SPON1: variants seen among roughly 807,000 people sequenced by gnomAD.
SPON1 encodes the protein spondin 1.
A neutral mutation model predicts 111.7 loss-of-function variants in SPON1; 52 were observed. The observed-to-expected ratio is 0.47, with a 90% CI of 0.37 to 0.59. SPON1 has a LOEUF of 0.59. Ranked by LOEUF, SPON1 falls within the 20% of genes least tolerant of loss-of-function variation. SPON1 has a pLI of 0.00. For synonymous variants in SPON1, 410 were observed against 395.8 expected (o/e 1.04, Z -0.43); for missense variants, 957 against 1,068.5 (o/e 0.90, Z 1.46).
At chr11:13,999,555 G>C (rs980935871) in intron 2 of SPON1, among the ~76,000 whole-genome samples, 1 of 151,782 alleles carries the variant, frequency 6.6e-6, no homozygotes, top group African/African-American at 2.4e-5. Flanking sequence ...ACAGGCACCC[G>C]CCATCACACC....
Position 14,267,975 on chromosome 11 carries a change from G to C in SPON1, c.*2288G>C, listed in dbSNP as rs1461976145. The C allele has an allele frequency of 6.6e-6, 1 of 152,094 alleles. No homozygotes were observed. Among genetic ancestry groups the C allele is most frequent in the Non-Finnish European group, 1.5e-5 (1 of 68,022 alleles). 9.4% of individuals were successfully genotyped at this position (152,094 alleles called of 1,614,324 possible). A position where few individuals can be genotyped will look rare whatever the true frequency, so the allele number is the denominator to read the frequency against. ...CACATTTTAGGTCCAACAGCAAGAAGTTCAGAGAGAGATTTCCCAACCAGA... is the reference window on the plus strand; with the variant it reads ...CACATTTTAGGTCCAACAGCAAGAACTTCAGAGAGAGATTTCCCAACCAGA... On this transcript the variant is annotated 3_prime_UTR_variant, in exon 16 of 16. Coordinates refer to ENST00000576479, the MANE Select transcript of SPON1 (RefSeq NM_006108.4).
chr11:14,122,641 A>G (rs1221826427), intron 5 of SPON1, among the ~76,000 whole-genome samples: 1 of 151,908 alleles, frequency 6.6e-6, no homozygotes, highest in Non-Finnish European at 1.5e-5. Context: ...TCATCACCCT[A>G]TCTTTTAGTT....
Position 13,991,556 on chromosome 11 carries a change from G to A in SPON1, c.345+8603G>A, listed in dbSNP as rs188461844. On this transcript the variant is annotated intron_variant, in intron 2 of 15. Coordinates refer to ENST00000576479, the MANE Select transcript of SPON1 (RefSeq NM_006108.4). ...AGCTCAGAGGAGTTTGTTATTACCC[G>A]CCTTCTGAAGCCTACTTCTGTCAAT... Among the ~76,000 whole-genome samples the A allele has an allele frequency of 3.9e-5, 6 of 152,114 alleles. No homozygotes were observed. The East Asian group carries it at 7.7e-4, about 20-fold the overall frequency.
In SPON1 at chr11:14,008,227, G is replaced by A. The variant is rs139847867; in HGVS notation, c.345+25274G>A. 1.9e-3 allele frequency among the ~76,000 whole-genome samples: 294 copies of A among 152,290 alleles called. 1 individual carries two copies. Among genetic ancestry groups the A allele is most frequent in the Non-Finnish European group, 2.7e-3 (186 of 68,022 alleles). On this transcript the variant is annotated intron_variant, in intron 2 of 15. Transcript: ENST00000576479. Reference sequence around the variant, plus strand: ...ATAAGTAATCTGGAGATGCTTTAAAGTATACAGAAGGAGTATATGGGAGGA... The same window carrying A: ...ATAAGTAATCTGGAGATGCTTTAAAATATACAGAAGGAGTATATGGGAGGA...
chr11:13,991,941 T>C (rs1848234039), intron 2 of SPON1, among the ~76,000 whole-genome samples: 1 of 152,192 alleles, frequency 6.6e-6, no homozygotes, highest in Non-Finnish European at 1.5e-5. Flanking sequence ...AGCTTCATCC[T>C]AGAGGGGCAC....
intron 6 of SPON1, among the ~76,000 whole-genome samples, chr11:14,136,667 A>C (rs1554928133): frequency 1.3e-5 from 2 of 152,170 alleles, no homozygotes; most frequent in African/African-American, 4.8e-5. Flanking sequence ...ATCAGTTTGG[A>C]CTAGAGTCGA....
rs11607668 is a variant in SPON1 at position 14,068,971 on chromosome 11, T to A, written c.480-6374T>A. Among the ~76,000 whole-genome samples the A allele has an allele frequency of 2.7e-3, 406 of 152,330 alleles. 1 individual carries two copies. Among genetic ancestry groups the A allele is most frequent in the Non-Finnish European group, 4.5e-3 (309 of 68,028 alleles). On this transcript the variant is annotated intron_variant, in intron 3 of 15. Coordinates refer to ENST00000576479, the MANE Select transcript of SPON1 (RefSeq NM_006108.4). ...AATGTCAATATCATGGTTGTACAAT[T>A]ATACTTAAGTTTTGCAAAGTGTCAC... is the stretch of plus-strand genomic sequence containing the variant.
intron 6 of SPON1, among the ~76,000 whole-genome samples, chr11:14,223,583 T>G (rs1554937807): frequency 6.6e-6 from 1 of 152,224 alleles, no homozygotes; most frequent in Non-Finnish European, 1.5e-5. Flanking sequence ...TCGGTGTATC[T>G]CTGTGACTCT....
At chr11:14,187,017 T>A (rs1008019096) in intron 6 of SPON1, among the ~76,000 whole-genome samples, 1 of 152,228 alleles carries the variant, frequency 6.6e-6, no homozygotes, top group Non-Finnish European at 1.5e-5. Context: ...GGCTCATGGC[T>A]CTGCAGGCCA....
In SPON1 at chr11:14,266,369, C is replaced by G. The variant is rs1849268967; in HGVS notation, c.*682C>G. On this transcript the variant is annotated 3_prime_UTR_variant, in exon 16 of 16. Transcript: ENST00000576479. ...GCTGCTTTATTTAAATATAAGGTAGCTAGTTTTTACACCTGAGATAAATAA... is the reference window on the plus strand; with the variant it reads ...GCTGCTTTATTTAAATATAAGGTAGGTAGTTTTTACACCTGAGATAAATAA... The G allele has an allele frequency of 6.6e-6, 1 of 151,902 alleles. No homozygotes were observed. Among genetic ancestry groups the G allele is most frequent in the Non-Finnish European group, 1.5e-5 (1 of 67,960 alleles). The allele number at this position is 151,902 out of a possible 1,614,324, so 9.4% of individuals were successfully genotyped here. A position where few individuals can be genotyped will look rare whatever the true frequency, so the allele number is the denominator to read the frequency against.
chr11:14,262,686 A>G (rs1849200363), intron 14 of SPON1, 26 bp from the exon 15 acceptor site: 3 of 1,613,396 alleles, frequency 1.9e-6, no homozygotes, highest in Non-Finnish European at 2.5e-6. Flanking sequence ...CATGTGATAC[A>G]CTCATGCCCA....
chr11:14,039,179 A>G (rs2133812539), intron 2 of SPON1, among the ~76,000 whole-genome samples: 1 of 152,336 alleles, frequency 6.6e-6, no homozygotes, highest in East Asian at 1.9e-4. Context: ...AGTGGTTGGG[A>G]AGAACAAGGG....
At chr11:14,167,638 A>G (rs943545399) in intron 6 of SPON1, among the ~76,000 whole-genome samples, 2 of 152,122 alleles carry the variant, frequency 1.3e-5, no homozygotes, top group African/African-American at 4.8e-5. Context: ...TTATATTTCT[A>G]TCCAGTTTTA....
At chr11:14,226,831 A>G (rs1053541695) in intron 6 of SPON1, among the ~76,000 whole-genome samples, 18 of 152,208 alleles carry the variant, frequency 1.2e-4, no homozygotes, top group Admixed American at 1.2e-3. Flanking sequence ...TCAAGATACA[A>G]GCAGCGCTGG....
Position 13,971,560 on chromosome 11 carries a change from C to T in SPON1, c.238+8418C>T, listed in dbSNP as rs1022278688. On this transcript the variant is annotated intron_variant, in intron 1 of 15. Coordinates refer to ENST00000576479, the MANE Select transcript of SPON1 (RefSeq NM_006108.4). ...AATTTAATAAAAAAACTTCCTGGGCCCCACCCTAACAAAAGGCTGGATTCC... is the reference window on the plus strand; with the variant it reads ...AATTTAATAAAAAAACTTCCTGGGCTCCACCCTAACAAAAGGCTGGATTCC... Among the ~76,000 whole-genome samples the T allele has an allele frequency of 2.6e-5, 4 of 152,014 alleles. No homozygotes were observed. The East Asian group carries it at 5.8e-4, about 22-fold the overall frequency.
chr11:14,139,467 C>T (rs1011173832), intron 6 of SPON1, among the ~76,000 whole-genome samples: 2 of 152,142 alleles, frequency 1.3e-5, no homozygotes, highest in Non-Finnish European at 1.5e-5. Context: ...TTAAAGCTGC[C>T]GTTCCCACTA....
intron 6 of SPON1, among the ~76,000 whole-genome samples, chr11:14,198,999 C>T (rs1237943580): frequency 6.6e-6 from 1 of 152,146 alleles, no homozygotes; most frequent in African/African-American, 2.4e-5. Context: ...TTTGTTCCTA[C>T]CCTTATACTT....
intron 2 of SPON1, among the ~76,000 whole-genome samples, chr11:14,031,250 C>CT (rs1554916019): frequency 2.0e-5 from 3 of 152,184 alleles, no homozygotes; most frequent in African/African-American, 7.2e-5. Context: ...CTTTTGTGTA[C>CT]TGTGCTCACT....
At chr11:14,158,252 T>A (rs1480452655) in intron 6 of SPON1, among the ~76,000 whole-genome samples, 3 of 152,134 alleles carry the variant, frequency 2.0e-5, no homozygotes, top group Non-Finnish European at 2.9e-5. Context: ...TCTTCAGGGT[T>A]CCTCACTTAA....
Sources: gnomAD v4.1 joint callset for allele counts (sites outside exome capture counted in the v4.1 genomes callset) on GRCh38, gnomAD v4.1.1 for gene constraint, MANE v1.5 for transcripts, NCBI Gene and HGNC (gene_info 2026-07-23, HGNC 2026-07-21) for gene names.